Variants in ATRX observed in about 807,000 individuals in gnomAD.
ATRX encodes the protein ATRX chromatin remodeler.
Under a neutral mutation model 172.6 loss-of-function variants are expected in ATRX, and 12 were observed. The ratio of observed to expected loss-of-function variants is 0.07; its 90% CI spans 0.04 to 0.11. The LOEUF (loss-of-function observed/expected upper bound fraction) is 0.11. ATRX is among the 10% of genes least tolerant of loss of function. The pLI is 1.00. For synonymous variants in ATRX, 674 were observed against 594.7 expected, an observed-to-expected ratio of 1.13 and a Z score of -1.94; for missense variants, 1,368 against 1,767.4, an observed-to-expected ratio of 0.77 and a Z score of 4.05.
At chrX:77,672,833 G>C (rs1309651111) in intron 10 of ATRX, among the ~76,000 whole-genome samples, 4 of 111,745 alleles carry the variant, frequency 3.6e-5, no homozygotes, top group Non-Finnish European at 7.6e-5. Context: ...TCAGCTCTTA[G>C]TCAAAGTTGT....
chrX:77,729,118 C>T (rs1480427154), intron 1 of ATRX, among the ~76,000 whole-genome samples: 2 of 36,338 alleles, frequency 5.5e-5, no homozygotes, highest in African/African-American at 2.5e-4. Context: ...CAGATGCTCA[C>T]AAAAGCAAAA....
At chrX:77,527,207 G>A (rs1157642880) in intron 30 of ATRX, among the ~76,000 whole-genome samples, 1 of 112,077 alleles carries the variant, frequency 8.9e-6, no homozygotes, top group Non-Finnish European at 1.9e-5. Context: ...ACTGGACAAA[G>A]GGCAAGATGG....
At chrX:77,516,732 C>T (rs1316636611) in intron 34 of ATRX, among the ~76,000 whole-genome samples, 2 of 111,656 alleles carry the variant, frequency 1.8e-5, no homozygotes, top group Non-Finnish European at 3.8e-5. Context: ...CACTATAGAC[C>T]AAATAGATAT....
chrX:77,723,521 T>C (rs1195004868), intron 1 of ATRX, among the ~76,000 whole-genome samples: 2 of 111,563 alleles, frequency 1.8e-5, no homozygotes, highest in African/African-American at 3.3e-5. Flanking sequence ...TTACAAAATT[T>C]TGAAACAAAC....
At chrX:77,635,843 G>T in intron 16 of ATRX, 72 bp downstream of exon 16, 1 of 1,014,843 alleles carries the variant, frequency 9.9e-7, no homozygotes, top group Non-Finnish European at 1.4e-6. Flanking sequence ...CAGGATGTGA[G>T]GCAGCTGCCT....
intron 2 of ATRX, among the ~76,000 whole-genome samples, chrX:77,705,217 T>G (rs2072752414): frequency 9.0e-6 from 1 of 111,067 alleles, no homozygotes; most frequent in East Asian, 2.9e-4. Flanking sequence ...ATGAGAGGCC[T>G]GGGACTGCAG....
intron 26 of ATRX, among the ~76,000 whole-genome samples, chrX:77,591,830 C>T (rs1569527870): frequency 8.9e-6 from 1 of 111,875 alleles, no homozygotes; most frequent in South Asian, 3.7e-4. Context: ...CTTAGAAATA[C>T]TAATTATTAA....
chrX:77,618,648 A>C (rs782006724), intron 21 of ATRX, among the ~76,000 whole-genome samples, 158 bp downstream of exon 21: 4 of 112,219 alleles, frequency 3.6e-5, no homozygotes, highest in Non-Finnish European at 7.5e-5. Context: ...ATGCAGCAGA[A>C]ATTTTTTAAG....
At chrX:77,693,775 G>A in intron 6 of ATRX, 49 bp downstream of exon 6, 2 of 1,012,089 alleles carry the variant, frequency 2.0e-6, no homozygotes, top group Non-Finnish European at 2.8e-6. Context: ...TTTCCAATAT[G>A]GTCATAAACA....
chrX:77,634,503 G>A lies in ATRX; in HGVS notation c.4809+91C>T, dbSNP rs2068256320. The A allele has an allele frequency of 3.9e-5, 29 of 750,738 alleles. No homozygotes were observed. In the South Asian group the frequency reaches 6.4e-4, roughly 16 times the overall value. The allele number at this position is 750,738 out of a possible 1,213,427, so 61.9% of individuals were successfully genotyped here. A position where few individuals can be genotyped will look rare whatever the true frequency, so the allele number is the denominator to read the frequency against. On this transcript the variant is annotated intron_variant, in intron 17 of 34. Transcript: ENST00000373344. ...ATTCTTGTTCACTGCTTTATCTTCA[G>A]CCCCTACGACTGTGCCTGAAACATA...
At chrX:77,666,273 C>A (rs782304930) in intron 10 of ATRX, among the ~76,000 whole-genome samples, 11 of 111,909 alleles carry the variant, frequency 9.8e-5, no homozygotes, top group African/African-American at 3.6e-4. Flanking sequence ...GATTAGATCA[C>A]ACCAATTTAA....
intron 1 of ATRX, among the ~76,000 whole-genome samples, chrX:77,758,925 T>C (rs1254993437): frequency 1.8e-5 from 2 of 112,224 alleles, no homozygotes; most frequent in African/African-American, 6.5e-5. Context: ...AAAGCTGCCA[T>C]TTCTTTTTCA....
intron 9 of ATRX, among the ~76,000 whole-genome samples, chrX:77,681,191 T>C (rs1557136552): frequency 8.9e-6 from 1 of 111,763 alleles, no homozygotes; most frequent in African/African-American, 3.3e-5. Flanking sequence ...ATTATATAAC[T>C]AAATAGCTAC....
At chrX:77,692,846 A>AGTGTGTGTGTGTGT (rs3063059) in intron 6 of ATRX, among the ~76,000 whole-genome samples, 34 of 82,104 alleles carry the variant, frequency 4.1e-4, no homozygotes, top group East Asian at 1.3e-3. Context: ...CCAATATTAG[A>AGTGTGTGTGTGTGT]GTGTGTGTGT....
chrX:77,657,615 T>C (rs1248446479), intron 12 of ATRX, among the ~76,000 whole-genome samples: 1 of 111,327 alleles, frequency 9.0e-6, no homozygotes, highest in African/African-American at 3.3e-5. Flanking sequence ...TTGATATAAA[T>C]AATGCAATAA....
intron 2 of ATRX, 95 bp downstream of exon 2, chrX:77,717,036 G>C: frequency 1.4e-6 from 1 of 733,353 alleles, no homozygotes. Context: ...TCTTTTAAAA[G>C]CTGCTCTCTG....
intron 2 of ATRX, among the ~76,000 whole-genome samples, chrX:77,701,824 G>T (rs1477922848): frequency 8.9e-6 from 1 of 112,196 alleles, no homozygotes; most frequent in Non-Finnish European, 1.9e-5. Context: ...CCAGCACTTT[G>T]GGAGGCTGAG....
intron 28 of ATRX, among the ~76,000 whole-genome samples, chrX:77,568,811 C>T (rs2065296654): frequency 9.0e-6 from 1 of 111,519 alleles, no homozygotes; most frequent in Admixed American, 9.6e-5. Flanking sequence ...ATTCAAAAAC[C>T]AATCTACATA....
At chrX:77,639,836 T>C (rs899639892) in intron 15 of ATRX, among the ~76,000 whole-genome samples, 1 of 112,222 alleles carries the variant, frequency 8.9e-6, no homozygotes, top group Non-Finnish European at 1.9e-5. Flanking sequence ...ACTGGGTATA[T>C]ACCCAAAGGA....
Sources: gnomAD v4.1 joint callset for allele counts (sites outside exome capture counted in the v4.1 genomes callset) on GRCh38, gnomAD v4.1.1 for gene constraint, MANE v1.5 for transcripts, NCBI Gene and HGNC (gene_info 2026-07-23, HGNC 2026-07-21) for gene names.